Variants in ADAM9 observed in about 807,000 individuals in gnomAD.
ADAM9 encodes the protein ADAM metallopeptidase domain 9.
ADAM9 carries 54 observed loss-of-function variants against 108.1 expected under a neutral mutation model. The ratio of observed to expected loss-of-function variants is 0.50; its 90% CI spans 0.40 to 0.63. The LOEUF is 0.63. Among genes scored for constraint, ADAM9 ranks in the 20% least tolerant of loss-of-function variants. The pLI, the probability that ADAM9 is intolerant of heterozygous loss-of-function variation, is 0.00. For synonymous variants in ADAM9, 316 were observed against 336.0 expected (o/e 0.94, Z 0.65); for missense variants, 830 against 997.7 (o/e 0.83, Z 2.26).
intron 11 of ADAM9, among the ~76,000 whole-genome samples, chr8:39,039,574 A>T (rs1040918100): frequency 6.6e-6 from 1 of 152,152 alleles, no homozygotes; most frequent in Non-Finnish European, 1.5e-5. Flanking sequence ...CACCATAATC[A>T]GTGTTTTATT....
At chr8:39,054,595 G>C in intron 13 of ADAM9, 22 bp downstream of exon 13, 4 of 885,930 alleles carry the variant, frequency 4.5e-6, no homozygotes, top group Non-Finnish European at 6.4e-6. Flanking sequence ...CTCCCTTTTG[G>C]AAACAGGAAA....
chr8:39,103,119 G>A (rs969663681), intron 21 of ADAM9, among the ~76,000 whole-genome samples: 5 of 152,122 alleles, frequency 3.3e-5, no homozygotes, highest in South Asian at 2.1e-4. Context: ...GGTTAGGAGC[G>A]GGTGTCCACA....
intron 12 of ADAM9, among the ~76,000 whole-genome samples, chr8:39,045,524 A>G (rs1013834295): frequency 6.8e-6 from 1 of 147,056 alleles, no homozygotes; most frequent in Non-Finnish European, 1.5e-5. Flanking sequence ...ATACATATAT[A>G]TGTGCATATG....
At chr8:39,032,984 T>G (rs1459017764) in intron 11 of ADAM9, among the ~76,000 whole-genome samples, 3 of 152,232 alleles carry the variant, frequency 2.0e-5, no homozygotes, top group Non-Finnish European at 4.4e-5. Context: ...GGGATTTTGA[T>G]TAGGATCGCA....
Position 39,011,688 on chromosome 8 carries a change from G to C in ADAM9, c.226G>C (p.Glu76Gln), listed in dbSNP as rs61753672. 6.2e-7 allele frequency: 1 copy of C among 1,611,530 alleles called. No homozygotes were observed. The highest frequency in any genetic ancestry group is 1.3e-5 in the African/African-American group (1 of 74,864). Residue 76 changes from glutamate (E) to glutamine (Q), a missense_variant, in exon 3 of 22, where the codon GAG (glutamate) becomes CAG (glutamine). Transcript: ENST00000487273. ...VSYVIQAEGK[E>Q]HIIHLERNKD... Reference sequence around the variant, plus strand: ...TTATGTTATTCAGGCTGAAGGAAAAGAGCATATTATTCACTTGGAAAGGAA... The same window carrying C: ...TTATGTTATTCAGGCTGAAGGAAAACAGCATATTATTCACTTGGAAAGGAA...
At chr8:39,100,861 C>G (rs1366080980) in intron 20 of ADAM9, among the ~76,000 whole-genome samples, 1 of 152,156 alleles carries the variant, frequency 6.6e-6, no homozygotes, top group African/African-American at 2.4e-5. Flanking sequence ...TTCCTAACGT[C>G]TTATAGTGTA....
At chr8:39,034,927 C>G (rs1012714309) in intron 11 of ADAM9, among the ~76,000 whole-genome samples, 1 of 151,966 alleles carries the variant, frequency 6.6e-6, no homozygotes, top group African/African-American at 2.4e-5. Context: ...TCTTCATATC[C>G]TGCTTAGAAA....
rs1356591377 is a variant in ADAM9, at chr8:39,022,097, T to TGTGA, written c.744+384_744+385insTGAG. Among the ~76,000 whole-genome samples, 247 of 136,260 alleles carry TGTGA rather than the reference T, an allele frequency of 1.8e-3. No homozygotes were observed. The Middle Eastern group carries it at 0.021, about 12-fold the overall frequency. 89.4% of individuals were successfully genotyped at this position (136,260 alleles called of 152,430 possible). On this transcript the variant is annotated intron_variant, in intron 8 of 21. Transcript: ENST00000487273. The stretch of plus-strand genomic sequence containing the variant: ...GTGTGTGTGTGTGTGTGTGTGTGTG[T>TGTGA]GAGAGAGAGAGAGAGAGAGAGAGAA...
intron 14 of ADAM9, among the ~76,000 whole-genome samples, chr8:39,068,033 A>G (rs1254175330): frequency 3.3e-5 from 5 of 152,178 alleles, no homozygotes; most frequent in Admixed American, 6.5e-5. Flanking sequence ...TTCCGTTTAT[A>G]TGCTGGATTA....
intron 1 of ADAM9, among the ~76,000 whole-genome samples, chr8:38,999,445 AT>A (rs1428998544): frequency 6.6e-6 from 1 of 151,556 alleles, no homozygotes; most frequent in African/African-American, 2.4e-5. Flanking sequence ...CAGATTTAGA[AT>A]TTTTTTTTAA....
intron 14 of ADAM9, among the ~76,000 whole-genome samples, chr8:39,056,908 G>A (rs1838142339): frequency 6.6e-6 from 1 of 152,092 alleles, no homozygotes; most frequent in Non-Finnish European, 1.5e-5. Flanking sequence ...ATTGTGTTGT[G>A]CGTTTATGTA....
intron 15 of ADAM9, among the ~76,000 whole-genome samples, chr8:39,072,009 A>G (rs1474785184): frequency 6.6e-6 from 1 of 152,216 alleles, no homozygotes; most frequent in Non-Finnish European, 1.5e-5. Flanking sequence ...TCCTTTCCAT[A>G]AAAGATTATG....
chr8:39,068,360 A>C (rs1838559244), intron 14 of ADAM9, among the ~76,000 whole-genome samples: 1 of 151,918 alleles, frequency 6.6e-6, no homozygotes, highest in Non-Finnish European at 1.5e-5. Context: ...GACCTTATCT[A>C]TCTGCATCCT....
At chr8:39,092,517 C>A (rs1300753229) in intron 20 of ADAM9, among the ~76,000 whole-genome samples, 1 of 151,882 alleles carries the variant, frequency 6.6e-6, no homozygotes, top group Non-Finnish European at 1.5e-5. Flanking sequence ...TCTGTATACT[C>A]TTCTTCATCA....
intron 18 of ADAM9, among the ~76,000 whole-genome samples, chr8:39,085,390 A>G (rs1839152853): frequency 6.6e-6 from 1 of 152,164 alleles, no homozygotes. Flanking sequence ...AATGGTAGAA[A>G]AAGTCTTTAT....
chr8:39,079,716 C>T (rs1313842948), intron 16 of ADAM9, among the ~76,000 whole-genome samples: 1 of 151,942 alleles, frequency 6.6e-6, no homozygotes, highest in African/African-American at 2.4e-5. Flanking sequence ...TCCCCAGTAG[C>T]TGGGATTACA....
At chr8:39,015,316 G>A (rs1014513648) in intron 4 of ADAM9, 12 of 152,234 alleles carry the variant, frequency 7.9e-5, no homozygotes, top group South Asian at 2.1e-4. Flanking sequence ...TTAACTCAAC[G>A]AATGTTATTA....
intron 7 of ADAM9, among the ~76,000 whole-genome samples, chr8:39,020,045 G>A (rs913590208): frequency 6.6e-6 from 1 of 152,196 alleles, no homozygotes; most frequent in African/African-American, 2.4e-5. Context: ...CAGCACTTTG[G>A]GAGGCCGAGG....
intron 14 of ADAM9, among the ~76,000 whole-genome samples, chr8:39,067,819 T>C (rs1029946756): frequency 2.6e-5 from 4 of 152,222 alleles, no homozygotes; most frequent in Non-Finnish European, 5.9e-5. Flanking sequence ...CCCTGTCTTG[T>C]GCCAGTTTTC....
Sources: gnomAD v4.1 joint callset for allele counts (sites outside exome capture counted in the v4.1 genomes callset) on GRCh38, gnomAD v4.1.1 for gene constraint, MANE v1.5 for transcripts, NCBI Gene and HGNC (gene_info 2026-07-23, HGNC 2026-07-21) for gene names.